The following ATXN7L1 variants were observed in gnomAD, a reference collection of about 807,000 sequenced individuals.
ATXN7L1 encodes the protein ataxin 7 like 1.
A neutral mutation model predicts 70.8 loss-of-function variants in ATXN7L1; 15 were observed. That is an observed-to-expected ratio of 0.21 (90% CI 0.14 to 0.33). The LOEUF is 0.33. Ranked by LOEUF, ATXN7L1 falls within the 10% of genes least tolerant of loss-of-function variation. The probability of loss-of-function intolerance (pLI) is 1.00; values close to 1 mark genes in which losing one functional copy is unlikely to be tolerated. For synonymous variants in ATXN7L1, 440 were observed against 445.1 expected (o/e 0.99, Z 0.14); for missense variants, 975 against 1,097.1 (o/e 0.89, Z 1.57).
At chr7:105,683,867 A>T (rs1369662833) in intron 3 of ATXN7L1, among the ~76,000 whole-genome samples, 1 of 152,150 alleles carries the variant, frequency 6.6e-6, no homozygotes. Flanking sequence ...CCATTTCCAT[A>T]AAGGAATCAT....
intron 3 of ATXN7L1, among the ~76,000 whole-genome samples, chr7:105,681,811 C>G (rs1470193463): frequency 6.6e-6 from 1 of 152,164 alleles, no homozygotes; most frequent in East Asian, 1.9e-4. Flanking sequence ...ATTCCACTTA[C>G]ATGAGGTGCT....
chr7:105,751,740 C>A (rs899877006), intron 3 of ATXN7L1, among the ~76,000 whole-genome samples: 5 of 152,168 alleles, frequency 3.3e-5, no homozygotes, highest in African/African-American at 9.7e-5. Context: ...TCCTCAGGGG[C>A]CTCCCATTTA....
chr7:105,708,862 C>A (rs1274019439), intron 3 of ATXN7L1, among the ~76,000 whole-genome samples: 1 of 152,156 alleles, frequency 6.6e-6, no homozygotes, highest in African/African-American at 2.4e-5. Context: ...TAGTCACGCG[C>A]CCTATTTGTA....
intron 3 of ATXN7L1, among the ~76,000 whole-genome samples, chr7:105,690,648 G>T (rs1790664563): frequency 6.6e-6 from 1 of 152,134 alleles, no homozygotes; most frequent in Non-Finnish European, 1.5e-5. Context: ...GGTTCTCCCG[G>T]ACCATTAGAC....
At position 105,638,558 on chromosome 7, in the gene ATXN7L1, C is replaced by T; in HGVS notation, c.997G>A (p.Asp333Asn). Reference sequence around the variant, plus strand: ...GCTTTGTGTTCTGCCAGGAGGAGGTCAAATTGCTTTTTCCGGCCTGGGACT... The same window carrying T: ...GCTTTGTGTTCTGCCAGGAGGAGGTTAAATTGCTTTTTCCGGCCTGGGACT... ...RAVPGRKKQF[D>N]LLLAEHKAKS... is the part of the protein sequence containing the mutation. The change falls in exon 7 of 12, where the codon GAC becomes AAC. Residue 333 changes from aspartate (D) to asparagine (N), a missense_variant. By Grantham distance (23) the Asp-to-Asn change is conservative. Coordinates refer to ENST00000419735, the MANE Select transcript of ATXN7L1 (RefSeq NM_020725.2). The T allele has an allele frequency of 2.6e-6, 4 of 1,552,012 alleles. No individual in the cohort carries two copies. Among genetic ancestry groups the T allele is most frequent in the Non-Finnish European group, 3.5e-6 (4 of 1,147,054 alleles).
intron 7 of ATXN7L1, among the ~76,000 whole-genome samples, chr7:105,626,171 G>A (rs977061837): frequency 6.6e-6 from 1 of 152,126 alleles, no homozygotes; most frequent in African/African-American, 2.4e-5. Flanking sequence ...ATAAAATATG[G>A]TATATCCATT....
In ATXN7L1 at chr7:105,846,226, C is replaced by T. The variant is rs6950432; in HGVS notation, c.250+29586G>A. 8.3e-3 allele frequency among the ~76,000 whole-genome samples: 1,252 copies of T among 151,748 alleles called. 17 individuals carry two copies. Among genetic ancestry groups the T allele is most frequent in the African/African-American group, 0.029 (1,191 of 41,388 alleles). On this transcript the variant is annotated intron_variant, in intron 2 of 11. Coordinates refer to ENST00000419735, the MANE Select transcript of ATXN7L1 (RefSeq NM_020725.2). ...AACTTAAAGAGAAATAATCTAATAG[C>T]TATTAGGGATGCTAAGGTGGGAGGA...
intron 4 of ATXN7L1, among the ~76,000 whole-genome samples, chr7:105,660,441 T>C (rs906955269): frequency 5.6e-5 from 8 of 144,140 alleles, no homozygotes; most frequent in African/African-American, 2.1e-4. Context: ...AGGACACCCT[T>C]CCAACTCTCT....
chr7:105,614,121 C>T lies in ATXN7L1; in HGVS notation c.2213G>A (p.Gly738Asp). ...AGAGAGGGGACAGGAGTCACTGCTG[C>T]CTCCCACCGCGCCCACCTGTCTCAC... ...DIVRQVGAVG[G>D]SSDSCPLSVP... Residue 738 changes from glycine (G) to aspartate (D), a missense_variant, in exon 10 of 12, where the codon GGC (glycine) becomes GAC (aspartate). Around this residue, in one of 5 missense-constraint regions of ATXN7L1, gnomAD observed 635 missense variants for 699.4 expected, o/e 0.91. Coordinates refer to ENST00000419735, the MANE Select transcript of ATXN7L1 (RefSeq NM_020725.2). This position sits in a 1 kb window ranked among gnomAD's most constrained non-coding sequence, Gnocchi z 4.3. 1 of 1,551,560 alleles carries T rather than the reference C, an allele frequency of 6.4e-7. No individual in the cohort carries two copies. The highest frequency in any genetic ancestry group is 1.2e-5 in the South Asian group (1 of 84,060).
At chr7:105,644,580 T>G (rs1165391512) in intron 4 of ATXN7L1, among the ~76,000 whole-genome samples, 1 of 152,200 alleles carries the variant, frequency 6.6e-6, no homozygotes. Flanking sequence ...TCCTTTCTAT[T>G]TAATGGCAAT....
intron 4 of ATXN7L1, among the ~76,000 whole-genome samples, chr7:105,653,529 T>C (rs1800169944): frequency 6.6e-6 from 1 of 152,198 alleles, no homozygotes; most frequent in African/African-American, 2.4e-5. Context: ...TTCCCTGAAA[T>C]TCAGTCACTC....
chr7:105,832,643 C>A (rs1269841246), intron 2 of ATXN7L1, among the ~76,000 whole-genome samples: 1 of 152,330 alleles, frequency 6.6e-6, no homozygotes, highest in East Asian at 1.9e-4. Context: ...GCTCACCCAG[C>A]CACTGCCTGC....
intron 8 of ATXN7L1, among the ~76,000 whole-genome samples, chr7:105,620,848 CTG>C (rs1794814915): frequency 6.7e-6 from 1 of 148,918 alleles, no homozygotes; most frequent in African/African-American, 2.5e-5. Context: ...TGAGCTGAGA[CTG>C]TGCCACTGCA....
intron 7 of ATXN7L1, among the ~76,000 whole-genome samples, chr7:105,631,252 T>TACGGG (rs1263639528): frequency 6.6e-6 from 1 of 152,198 alleles, no homozygotes; most frequent in Non-Finnish European, 1.5e-5. Context: ...GGAGAAGTAT[T>TACGGG]AACTAACGGG....
rs150680165 is a variant in ATXN7L1 at position 105,785,487 on chromosome 7, G to A, written c.355+3117C>T. 4.8e-3 allele frequency among the ~76,000 whole-genome samples: 726 copies of A among 151,862 alleles called. 12 individuals are homozygous for A. The highest frequency in any genetic ancestry group is 0.017 in the African/African-American group (696 of 41,388). On this transcript the variant is annotated intron_variant, in intron 3 of 11. Coordinates refer to ENST00000419735, the MANE Select transcript of ATXN7L1 (RefSeq NM_020725.2). ...AAAAACAAAACCCAAAAGACAAAAC[G>A]AAACAAATAACAGATATGGAAAGCA...
At chr7:105,700,010 G>A (rs976319522) in intron 3 of ATXN7L1, among the ~76,000 whole-genome samples, 4 of 152,168 alleles carry the variant, frequency 2.6e-5, no homozygotes, top group Admixed American at 6.6e-5. Flanking sequence ...CTGGACCATG[G>A]CGTGGAGCTG....
chr7:105,628,305 T>C (rs2115836732), intron 7 of ATXN7L1, among the ~76,000 whole-genome samples: 1 of 152,280 alleles, frequency 6.6e-6, no homozygotes, highest in African/African-American at 2.4e-5. Flanking sequence ...GTGTTCAATA[T>C]ACTATTCTCT....
intron 3 of ATXN7L1, among the ~76,000 whole-genome samples, chr7:105,704,527 T>A (rs1217209969): frequency 6.6e-6 from 1 of 151,850 alleles, no homozygotes; most frequent in Non-Finnish European, 1.5e-5. Context: ...GCAATGAGAT[T>A]GGTATCATCA....
At chr7:105,700,600 G>GT (rs1202539554) in intron 3 of ATXN7L1, among the ~76,000 whole-genome samples, 1 of 151,720 alleles carries the variant, frequency 6.6e-6, no homozygotes, top group African/African-American at 2.4e-5. Context: ...GTATGAGGAG[G>GT]TTATTCCTAA....
Sources: gnomAD v4.1 joint callset for allele counts (sites outside exome capture counted in the v4.1 genomes callset) on GRCh38, gnomAD v4.1.1 for gene constraint, gnomAD v4.1.1 regional missense constraint, Gnocchi (gnomAD v3.1) non-coding constraint, MANE v1.5 for transcripts, NCBI Gene and HGNC (gene_info 2026-07-23, HGNC 2026-07-21) for gene names.